MLXIP: variants seen among roughly 807,000 people sequenced by gnomAD.
MLXIP encodes MLX-interacting protein.
A neutral mutation model predicts 87.2 loss-of-function variants in MLXIP; 30 were observed. The ratio of observed to expected loss-of-function variants is 0.34; its 90% CI spans 0.26 to 0.47. The LOEUF (loss-of-function observed/expected upper bound fraction) is 0.47. MLXIP is among the 20% of genes least tolerant of loss of function. The pLI is 1.00. For missense variants in MLXIP, 1,002 were observed against 1,240.1 expected (o/e 0.81, Z 2.88); for synonymous variants, 530 against 514.0 (o/e 1.03, Z -0.42).
intron 16 of MLXIP, 198 bp from the exon 17 acceptor site, chr12:122,141,493 T>G: frequency 4.8e-6 from 2 of 412,400 alleles, no homozygotes; most frequent in Non-Finnish European, 6.5e-6. Context: ...AGCTCCTGGA[T>G]TTGGGGAGGC....
chr12:122,123,536 A>G (rs1310863177), intron 1 of MLXIP, among the ~76,000 whole-genome samples: 1 of 152,140 alleles, frequency 6.6e-6, no homozygotes, highest in Non-Finnish European at 1.5e-5. Context: ...AGAAGAGGGG[A>G]CCCTCAAACT....
chr12:122,110,014 G>A (rs1037522390), intron 1 of MLXIP, among the ~76,000 whole-genome samples: 1 of 152,106 alleles, frequency 6.6e-6, no homozygotes, highest in South Asian at 2.1e-4. Flanking sequence ...CCTGCTCTGG[G>A]TGCCTCTCAT....
intron 1 of MLXIP, among the ~76,000 whole-genome samples, chr12:122,099,573 T>G (rs573425396): frequency 1.8e-4 from 28 of 152,228 alleles, no homozygotes; most frequent in Non-Finnish European, 3.1e-4. Flanking sequence ...ACCTTTTTGG[T>G]CTGATGTCTG....
rs1953012248 is a variant in MLXIP at position 122,133,252 on chromosome 12, C to T, written c.1093-96C>T. Reference sequence around the variant, plus strand: ...CGTGGCCTTTGTCCCTCTGTCCCAGCGCCCGGCCTGTGTAGTTGGACTTGG... The same window carrying T: ...CGTGGCCTTTGTCCCTCTGTCCCAGTGCCCGGCCTGTGTAGTTGGACTTGG... On this transcript the variant is annotated intron_variant, in intron 8 of 16. Coordinates refer to ENST00000319080, the MANE Select transcript of MLXIP (RefSeq NM_014938.6). This position sits in a 1 kb window ranked among gnomAD's most constrained non-coding sequence, Gnocchi z 4.9. 98 of 1,417,860 alleles carry T rather than the reference C, an allele frequency of 6.9e-5. No individual in the cohort carries two copies. Among genetic ancestry groups the T allele is most frequent in the Non-Finnish European group, 8.1e-5 (86 of 1,062,022 alleles). 87.8% of individuals were successfully genotyped at this position (1,417,860 alleles called of 1,614,324 possible). A position where few individuals can be genotyped will look rare whatever the true frequency, so the allele number is the denominator to read the frequency against.
At chr12:122,108,947 C>T (rs1415387039) in intron 1 of MLXIP, among the ~76,000 whole-genome samples, 2 of 152,228 alleles carry the variant, frequency 1.3e-5, no homozygotes, top group Non-Finnish European at 2.9e-5. Context: ...AACCTGTGCT[C>T]ACCCTCATGT....
rs533044661 is a variant in MLXIP, at chr12:122,084,568, C to T, written c.413+5302C>T. Among the ~76,000 whole-genome samples, 16 of 152,174 alleles carry T rather than the reference C, an allele frequency of 1.1e-4. No individual in the cohort carries two copies. In the East Asian group the frequency reaches 1.7e-3, roughly 17 times the overall value. ...GACCTTTTTTTTTGTTTGTTTGAGA[C>T]GGAGTTTCGCTCTTGTCACCCAGGC... On this transcript the variant is annotated intron_variant, in intron 1 of 16. Transcript: ENST00000319080.
Position 122,135,639 on chromosome 12 carries a change from A to G in MLXIP, c.2005A>G (p.Ser669Gly). The G allele has an allele frequency of 1.3e-6, 2 of 1,537,922 alleles. No individual in the cohort carries two copies. Among genetic ancestry groups the G allele is most frequent in the South Asian group, 1.3e-5 (1 of 78,502 alleles). The stretch of plus-strand genomic sequence containing the variant: ...CGAGCAGGTCCCGCTGCATGGGGGC[A>G]GCCCCCAGGTCACTGTCACAGGGCC... ...KGEQVPLHGG[S>G]PQVTVTGPSR... The change falls in exon 11 of 17, where the codon AGC (serine) becomes GGC (glycine). Residue 669 changes from serine to glycine, a missense_variant. Coordinates refer to ENST00000319080, the MANE Select transcript of MLXIP (RefSeq NM_014938.6). This position sits in a 1 kb window ranked among gnomAD's most constrained non-coding sequence, Gnocchi z 5.3.
chr12:122,131,230 T>G (rs911331042), intron 7 of MLXIP, among the ~76,000 whole-genome samples: 1 of 152,094 alleles, frequency 6.6e-6, no homozygotes, highest in East Asian at 1.9e-4. Context: ...GCCCTGCAGT[T>G]AGATGGGTCC....
rs1242489370 is a variant in MLXIP at position 122,135,622 on chromosome 12, T to C, written c.1988T>C (p.Val663Ala). The change falls in exon 11 of 17, where the codon GTC becomes GCC. Residue 663 changes from valine to alanine, a missense_variant. By Grantham distance (64) the Val-to-Ala change is moderately conservative. Transcript: ENST00000319080. This position sits in a 1 kb window ranked among gnomAD's most constrained non-coding sequence, Gnocchi z 5.3. Reference sequence around the variant, plus strand: ...GACCCCCTGGGGAAGGGCGAGCAGGTCCCGCTGCATGGGGGCAGCCCCCAG... The same window carrying C: ...GACCCCCTGGGGAAGGGCGAGCAGGCCCCGCTGCATGGGGGCAGCCCCCAG... ...AQDPLGKGEQ[V>A]PLHGGSPQVT... 1.9e-6 allele frequency: 3 copies of C among 1,559,180 alleles called. No homozygotes were observed. Among genetic ancestry groups the C allele is most frequent in the Non-Finnish European group, 2.6e-6 (3 of 1,153,770 alleles).
chr12:122,093,670 G>A (rs1186340260), intron 1 of MLXIP, among the ~76,000 whole-genome samples: 4 of 138,066 alleles, frequency 2.9e-5, no homozygotes, highest in African/African-American at 1.1e-4. Context: ...ATATGTGTGT[G>A]TGGTGTATGT....
At chr12:122,093,573 G>T (rs1309028453) in intron 1 of MLXIP, among the ~76,000 whole-genome samples, 1 of 141,000 alleles carries the variant, frequency 7.1e-6, no homozygotes, top group African/African-American at 2.7e-5. Flanking sequence ...TGGCATGGGT[G>T]TAGTGTGTGT....
intron 1 of MLXIP, 30 bp downstream of exon 1, chr12:122,079,296 C>T (rs1461691611): frequency 1.3e-6 from 2 of 1,536,058 alleles, no homozygotes; most frequent in Admixed American, 4.1e-5. Flanking sequence ...CCTGAGGCCC[C>T]GGCCGGAGGC....
At position 122,127,475 on chromosome 12, in the gene MLXIP, C is replaced by A; in HGVS notation, c.520+113C>A. 4.0e-6 allele frequency: 3 copies of A among 743,942 alleles called. No individual in the cohort carries two copies. In the South Asian group the frequency reaches 5.5e-5, roughly 14 times the overall value. 46.1% of individuals were successfully genotyped at this position (743,942 alleles called of 1,614,324 possible). On this transcript the variant is annotated intron_variant, in intron 2 of 16. Coordinates refer to ENST00000319080, the MANE Select transcript of MLXIP (RefSeq NM_014938.6). ...GGACCTGGTGTTTCTAACAGAAGTT[C>A]AGTCTGTGCAGACAGGAAACCCAAG... is the stretch of plus-strand genomic sequence containing the variant.
chr12:122,137,436 C>A lies in MLXIP; in HGVS notation c.2033-33C>A. The A allele has an allele frequency of 6.3e-7, 1 of 1,598,738 alleles. No homozygotes were observed. Among genetic ancestry groups the A allele is most frequent in the Non-Finnish European group, 8.5e-7 (1 of 1,172,086 alleles). ...CTCCTGGTGGCGTTGAGGGGCCAGG[C>A]CTCCGCCCCTCAGAGGAGTCTGTTC... On this transcript the variant is annotated intron_variant, in intron 11 of 16. Transcript: ENST00000319080. This position sits in a 1 kb window ranked among gnomAD's most constrained non-coding sequence, Gnocchi z 4.1.
chr12:122,092,346 G>A (rs1320768645), intron 1 of MLXIP, among the ~76,000 whole-genome samples: 1 of 152,082 alleles, frequency 6.6e-6, no homozygotes, highest in Non-Finnish European at 1.5e-5. Context: ...CAACTCATCT[G>A]CCATGGCCTC....
At chr12:122,103,325 A>C (rs1952467577) in intron 1 of MLXIP, among the ~76,000 whole-genome samples, 1 of 151,866 alleles carries the variant, frequency 6.6e-6, no homozygotes, top group South Asian at 2.1e-4. Flanking sequence ...TCTGGTTTCA[A>C]GCGATTCTCT....
rs1173773519 is a variant in MLXIP, at chr12:122,145,995, C to G, written c.*4183C>G. On this transcript the variant is annotated 3_prime_UTR_variant, in exon 17 of 17. Transcript: ENST00000319080. ...TGTGAGTTGAGCCTCTCTCTTTTCC[C>G]TCTGGTGGGAAAGTGGCCTTTCCCT... The G allele has an allele frequency of 2.0e-5, 3 of 152,342 alleles. No individual in the cohort carries two copies. The highest frequency in any genetic ancestry group is 4.4e-5 in the Non-Finnish European group (3 of 68,146). 9.4% of individuals were successfully genotyped at this position (152,342 alleles called of 1,614,324 possible). A position where few individuals can be genotyped will look rare whatever the true frequency, so the allele number is the denominator to read the frequency against.
rs1388945890 is a variant in MLXIP, at chr12:122,135,137, G to C, written c.1733-87G>C. 1 of 1,529,526 alleles carries C rather than the reference G, an allele frequency of 6.5e-7. No individual in the cohort carries two copies. Among genetic ancestry groups the C allele is most frequent in the Non-Finnish European group, 8.9e-7 (1 of 1,123,222 alleles). The allele number at this position is 1,529,526 out of a possible 1,614,324, so 94.7% of individuals were successfully genotyped here. On this transcript the variant is annotated intron_variant, in intron 9 of 16. Transcript: ENST00000319080. This position sits in a 1 kb window ranked among gnomAD's most constrained non-coding sequence, Gnocchi z 5.3. ...TGTCCCCTGGGGTTGAGAACAAGCTGTCTCACTGGCAGAGAGGCAGCCTCT... is the reference window on the plus strand; with the variant it reads ...TGTCCCCTGGGGTTGAGAACAAGCTCTCTCACTGGCAGAGAGGCAGCCTCT...
chr12:122,109,271 G>A (rs1406829180), intron 1 of MLXIP, among the ~76,000 whole-genome samples: 3 of 152,222 alleles, frequency 2.0e-5, no homozygotes, highest in Non-Finnish European at 4.4e-5. Flanking sequence ...GTTGCACTGT[G>A]TTGGCTAGGC....
Sources: allele counts gnomAD v4.1 joint callset (sites outside exome capture counted in the v4.1 genomes callset), GRCh38; gene constraint gnomAD v4.1.1; non-coding constraint Gnocchi (gnomAD v3.1); transcripts MANE v1.5; gene names NCBI Gene and HGNC (gene_info 2026-07-23, HGNC 2026-07-21).